The following GRIK4 variants were observed in gnomAD, a reference collection of about 807,000 sequenced individuals.
GRIK4 encodes the protein glutamate receptor ionotropic, kainate 4.
GRIK4 carries 40 observed loss-of-function variants against 104.9 expected under a neutral mutation model. The ratio of observed to expected loss-of-function variants is 0.38; its 90% CI spans 0.30 to 0.50. GRIK4 has a LOEUF of 0.50. Among genes scored for constraint, GRIK4 ranks in the 20% least tolerant of loss-of-function variants. The pLI is 0.93. For missense variants in GRIK4, 1,047 were observed against 1,308.1 expected (o/e 0.80, Z 3.08); for synonymous variants, 485 against 524.9 (o/e 0.92, Z 1.04).
At chr11:120,597,151 A>G (rs1167025584) in intron 1 of GRIK4, among the ~76,000 whole-genome samples, 1 of 152,200 alleles carries the variant, frequency 6.6e-6, no homozygotes, top group Non-Finnish European at 1.5e-5. Flanking sequence ...GCTTCATGCC[A>G]GGGCAGCCCC....
At chr11:120,886,181 G>A (rs1220627325) in intron 11 of GRIK4, among the ~76,000 whole-genome samples, 1 of 152,222 alleles carries the variant, frequency 6.6e-6, no homozygotes, top group Non-Finnish European at 1.5e-5. Flanking sequence ...GCAAAAAATT[G>A]GAATCACTGA....
At chr11:120,656,572 T>C (rs951868640) in intron 2 of GRIK4, among the ~76,000 whole-genome samples, 23 of 152,146 alleles carry the variant, frequency 1.5e-4, no homozygotes, top group African/African-American at 4.8e-5. Flanking sequence ...TGCTTAAATG[T>C]AGTCTCGGCT....
chr11:120,836,569 G>A (rs1256842470), intron 7 of GRIK4, among the ~76,000 whole-genome samples: 1 of 152,230 alleles, frequency 6.6e-6, no homozygotes, highest in African/African-American at 2.4e-5. Context: ...GCAGGGGTAG[G>A]GGGCCAGGCG....
At chr11:120,780,739 GT>G (rs544942982) in intron 3 of GRIK4, among the ~76,000 whole-genome samples, 3 of 151,364 alleles carry the variant, frequency 2.0e-5, no homozygotes, top group Admixed American at 2.0e-4. Flanking sequence ...TTTGTTTGTT[GT>G]TTTTTTTGTT....
At chr11:120,843,234 G>T (rs536434854) in intron 8 of GRIK4, among the ~76,000 whole-genome samples, 5 of 152,380 alleles carry the variant, frequency 3.3e-5, no homozygotes, top group African/African-American at 1.2e-4. Flanking sequence ...TCATTGCCAT[G>T]CCCCAGGCAG....
At chr11:120,949,827 T>A (rs1392185296) in intron 14 of GRIK4, among the ~76,000 whole-genome samples, 1 of 152,228 alleles carries the variant, frequency 6.6e-6, no homozygotes, top group Non-Finnish European at 1.5e-5. Context: ...AGCGAGGCAC[T>A]TAACCTCCCT....
At chr11:120,561,909 AC>A (rs1330870128) in intron 1 of GRIK4, among the ~76,000 whole-genome samples, 1 of 152,204 alleles carries the variant, frequency 6.6e-6, no homozygotes, top group Non-Finnish European at 1.5e-5. Context: ...TTTGTGGCCC[AC>A]TTGAAAAGGG....
intron 16 of GRIK4, among the ~76,000 whole-genome samples, chr11:120,960,374 C>T (rs1021028001): frequency 4.6e-5 from 7 of 152,190 alleles, no homozygotes; most frequent in African/African-American, 1.7e-4. Context: ...CAGGTTGCTT[C>T]ACTTCTCTGA....
chr11:120,726,433 AG>A (rs1227933421), intron 3 of GRIK4, among the ~76,000 whole-genome samples: 1 of 152,228 alleles, frequency 6.6e-6, no homozygotes, highest in Non-Finnish European at 1.5e-5. Context: ...GGCCCAGGCC[AG>A]GGTAAAAGCA....
rs546343465 is a variant in GRIK4 at position 120,662,211 on chromosome 11, C to T, written c.82+1811C>T. Among the ~76,000 whole-genome samples the T allele has an allele frequency of 2.6e-5, 4 of 152,308 alleles. No individual in the cohort carries two copies. In the East Asian group the frequency reaches 7.7e-4, roughly 29 times the overall value. On this transcript the variant is annotated intron_variant, in intron 3 of 20. Coordinates refer to ENST00000527524, the MANE Select transcript of GRIK4 (RefSeq NM_014619.5). ...GAGGGCTTCAAAGGCACCCCTCGTG[C>T]TCCCAAACCCATACTCTGAACAATG...
chr11:120,528,293 A>T (rs978417584), intron 1 of GRIK4, among the ~76,000 whole-genome samples: 2 of 151,716 alleles, frequency 1.3e-5, no homozygotes, highest in Non-Finnish European at 2.9e-5. Flanking sequence ...TTGTATTCTT[A>T]ATAGAGATGG....
At chr11:120,921,265 G>C (rs934996331) in intron 13 of GRIK4, among the ~76,000 whole-genome samples, 1 of 152,148 alleles carries the variant, frequency 6.6e-6, no homozygotes, top group Non-Finnish European at 1.5e-5. Context: ...GTTTCCTGAG[G>C]TCAGGAACTA....
intron 3 of GRIK4, among the ~76,000 whole-genome samples, chr11:120,692,848 C>T (rs34463064): frequency 0.041 from 6,271 of 152,164 alleles, 236 homozygotes; most frequent in East Asian, 0.11. Context: ...TCTCCTGCCT[C>T]GGCCTCCTGA....
At position 120,940,502 on chromosome 11, in the gene GRIK4, T is replaced by C. The variant is rs368493036; in HGVS notation, c.1590+42T>C. On this transcript the variant is annotated intron_variant, in intron 14 of 20. Transcript: ENST00000527524. The surrounding 1 kb of genome is among the most constrained non-coding windows in gnomAD (Gnocchi z 4.3). ...ATAAGCATTTATGTCATTAAAGTTATTTGCATGCAAACACTGAGTTATACG... is the reference window on the plus strand; with the variant it reads ...ATAAGCATTTATGTCATTAAAGTTACTTGCATGCAAACACTGAGTTATACG... The C allele has an allele frequency of 5.8e-5, 64 of 1,104,046 alleles. No individual in the cohort carries two copies. The highest frequency in any genetic ancestry group is 8.2e-5 in the Non-Finnish European group (59 of 723,084). The allele number at this position is 1,104,046 out of a possible 1,614,324, so 68.4% of individuals were successfully genotyped here.
chr11:120,912,303 G>A (rs1467484001), intron 13 of GRIK4, among the ~76,000 whole-genome samples: 2 of 152,156 alleles, frequency 1.3e-5, no homozygotes, highest in African/African-American at 4.8e-5. Flanking sequence ...ACTTAGAGAC[G>A]TTCAGCAGAG....
intron 8 of GRIK4, among the ~76,000 whole-genome samples, chr11:120,856,742 T>A (rs1018283319): frequency 1.3e-5 from 2 of 152,168 alleles, no homozygotes; most frequent in Non-Finnish European, 2.9e-5. Context: ...GATTTAAGGG[T>A]ACCACCTGGA....
At chr11:120,732,684 A>T (rs938147199) in intron 3 of GRIK4, among the ~76,000 whole-genome samples, 3 of 151,996 alleles carry the variant, frequency 2.0e-5, no homozygotes, top group Non-Finnish European at 4.4e-5. Flanking sequence ...GTTTTATTCC[A>T]TTGTGGTCAG....
intron 13 of GRIK4, among the ~76,000 whole-genome samples, chr11:120,925,643 A>C (rs1430406701): frequency 6.6e-6 from 1 of 152,148 alleles, no homozygotes; most frequent in African/African-American, 2.4e-5. Context: ...TGTGGGCCAG[A>C]GATTTTTATC....
rs1417567607 is a variant in GRIK4 at position 120,902,623 on chromosome 11, C to G, written c.1273-2667C>G. Among the ~76,000 whole-genome samples, 1 of 152,120 alleles carries G rather than the reference C, an allele frequency of 6.6e-6. No homozygotes were observed. Among genetic ancestry groups the G allele is most frequent in the Non-Finnish European group, 1.5e-5 (1 of 68,022 alleles). On this transcript the variant is annotated intron_variant, in intron 12 of 20. Transcript: ENST00000527524. The surrounding 1 kb of genome is among the most constrained non-coding windows in gnomAD (Gnocchi z 4.5). ...TTAATGCTGAGCCAGGTAGGGGAAC[C>G]AAGCAGGTGACGAGTCTGTCCCAGG... is the stretch of plus-strand genomic sequence containing the variant.
Sources: allele counts gnomAD v4.1 joint callset (sites outside exome capture counted in the v4.1 genomes callset), GRCh38; gene constraint gnomAD v4.1.1; non-coding constraint Gnocchi (gnomAD v3.1); transcripts MANE v1.5; gene names NCBI Gene and HGNC (gene_info 2026-07-23, HGNC 2026-07-21).